YAF2: variants seen among roughly 807,000 people sequenced by gnomAD.
YAF2 encodes YY1-associated factor 2.
YAF2 carries 7 observed loss-of-function variants against 20.1 expected under a neutral mutation model. That is an observed-to-expected ratio of 0.35 (90% CI 0.20 to 0.65). The LOEUF is 0.65. Ranked by LOEUF, YAF2 falls within the 30% of genes least tolerant of loss-of-function variation. The pLI is 0.69. For synonymous variants in YAF2, 74 were observed against 76.0 expected, an observed-to-expected ratio of 0.97 and a Z score of 0.14; for missense variants, 151 against 219.2, an observed-to-expected ratio of 0.69 and a Z score of 1.96.
chr12:42,212,912 G>C (rs930246164), intron 2 of YAF2, among the ~76,000 whole-genome samples: 1 of 152,178 alleles, frequency 6.6e-6, no homozygotes, highest in Non-Finnish European at 1.5e-5. Flanking sequence ...GGTCATCTAG[G>C]TAACTCTGCT....
intron 2 of YAF2, among the ~76,000 whole-genome samples, chr12:42,186,214 C>T (rs542163917): frequency 3.1e-5 from 3 of 95,364 alleles, no homozygotes; most frequent in South Asian, 3.5e-4. Flanking sequence ...AAAAAAAAGG[C>T]TGGGCTTGGT....
chr12:42,178,111 T>G (rs2066244458), intron 2 of YAF2, among the ~76,000 whole-genome samples: 1 of 152,224 alleles, frequency 6.6e-6, no homozygotes, highest in Non-Finnish European at 1.5e-5. Context: ...TGCAAAAATA[T>G]GTACATCTAT....
intron 2 of YAF2, among the ~76,000 whole-genome samples, chr12:42,202,419 A>G (rs773741974): frequency 1.3e-5 from 2 of 152,132 alleles, no homozygotes; most frequent in African/African-American, 2.4e-5. Flanking sequence ...ATCCTTACCA[A>G]TCAGTACCAT....
intron 2 of YAF2, among the ~76,000 whole-genome samples, chr12:42,211,359 A>G (rs1428318296): frequency 6.8e-6 from 1 of 147,070 alleles, no homozygotes; most frequent in Non-Finnish European, 1.5e-5. Flanking sequence ...CCTGGGAAGC[A>G]GAGGTTGCAG....
chr12:42,213,491 T>G (rs1387058852), intron 2 of YAF2, among the ~76,000 whole-genome samples: 2 of 152,252 alleles, frequency 1.3e-5, no homozygotes, highest in Non-Finnish European at 2.9e-5. Context: ...ATAATTTCTG[T>G]GTAAAACTAT....
At chr12:42,237,954 C>T (rs1306802767) in intron 1 of YAF2, among the ~76,000 whole-genome samples, 2 of 148,404 alleles carry the variant, frequency 1.3e-5, no homozygotes, top group African/African-American at 2.5e-5. Flanking sequence ...ACCCGGGCGG[C>T]CGCTCCGGTC....
intron 2 of YAF2, among the ~76,000 whole-genome samples, chr12:42,229,306 C>G (rs1470967781): frequency 7.6e-6 from 1 of 131,780 alleles, no homozygotes; most frequent in Non-Finnish European, 1.6e-5. Context: ...CCTAGGAAAA[C>G]CAGAGACCTT....
intron 2 of YAF2, among the ~76,000 whole-genome samples, chr12:42,189,794 T>C (rs2066567796): frequency 6.6e-6 from 1 of 152,148 alleles, no homozygotes; most frequent in South Asian, 2.1e-4. Flanking sequence ...TAAGTACCAA[T>C]TGATGGTGTA....
At chr12:42,200,563 A>G (rs954444172) in intron 2 of YAF2, among the ~76,000 whole-genome samples, 1 of 152,174 alleles carries the variant, frequency 6.6e-6, no homozygotes, top group Non-Finnish European at 1.5e-5. Context: ...TATATTCCAT[A>G]TAAGTATTTT....
chr12:42,229,423 A>T (rs994550117), intron 2 of YAF2, among the ~76,000 whole-genome samples: 18 of 126,342 alleles, frequency 1.4e-4, no homozygotes, highest in African/African-American at 4.7e-4. Flanking sequence ...AAATAAATTA[A>T]AAAAAAAAAA....
intron 2 of YAF2, among the ~76,000 whole-genome samples, chr12:42,181,581 T>C (rs1324879342): frequency 1.3e-5 from 2 of 152,230 alleles, no homozygotes; most frequent in African/African-American, 4.8e-5. Flanking sequence ...ACAGGTAGCC[T>C]GGTATAATCA....
intron 2 of YAF2, among the ~76,000 whole-genome samples, chr12:42,206,059 T>C (rs1325547279): frequency 6.6e-6 from 1 of 152,122 alleles, no homozygotes; most frequent in Non-Finnish European, 1.5e-5. Context: ...TTTTCTTCCA[T>C]ATTTTTCACC....
chr12:42,160,179 A>G lies in YAF2; in HGVS notation c.*410T>C, dbSNP rs1367733706. On this transcript the variant is annotated 3_prime_UTR_variant, in exon 4 of 4. Coordinates refer to ENST00000534854, the MANE Select transcript of YAF2 (RefSeq NM_005748.6). ...TTAAGTTGTTCTTTGACTTGTATACATATAACTATCTGTTTCACAATTCTC... is the reference window on the plus strand; with the variant it reads ...TTAAGTTGTTCTTTGACTTGTATACGTATAACTATCTGTTTCACAATTCTC... 13 of 174,540 alleles carry G rather than the reference A, an allele frequency of 7.4e-5. No individual in the cohort carries two copies. In the East Asian group the frequency reaches 2.1e-3, roughly 28 times the overall value. 10.8% of individuals were successfully genotyped at this position (174,540 alleles called of 1,614,324 possible).
At chr12:42,211,427 CAAAAAAAAAAAAAAAA>C (rs34683165) in intron 2 of YAF2, among the ~76,000 whole-genome samples, 3 of 51,608 alleles carry the variant, frequency 5.8e-5, no homozygotes, top group African/African-American at 2.4e-4. Flanking sequence ...ACTCTGTCTC[CAAAAAAAAAAAAAAAA>C]AAAAAAAAGT....
At chr12:42,223,395 T>C (rs1434286354) in intron 2 of YAF2, among the ~76,000 whole-genome samples, 1 of 152,090 alleles carries the variant, frequency 6.6e-6, no homozygotes, top group Non-Finnish European at 1.5e-5. Context: ...GAAAAGGCTT[T>C]ACCCAGCAAT....
At position 42,184,226 on chromosome 12, in the gene YAF2, G is replaced by A. The variant is rs2066415824; in HGVS notation, c.153-22461C>T. On this transcript the variant is annotated intron_variant, in intron 2 of 3. Coordinates refer to ENST00000534854, the MANE Select transcript of YAF2 (RefSeq NM_005748.6). ...GAGCTCTAAGGGACATGTACAAGGAGATTAATGTTTTCATGCCTGCTAACA... is the reference window on the plus strand; with the variant it reads ...GAGCTCTAAGGGACATGTACAAGGAAATTAATGTTTTCATGCCTGCTAACA... Among the ~76,000 whole-genome samples the A allele has an allele frequency of 1.3e-5, 2 of 152,186 alleles. 1 individual carries two copies. Among genetic ancestry groups the A allele is most frequent in the South Asian group, 4.1e-4 (2 of 4,828 alleles).
chr12:42,180,830 C>T (rs2066324486), intron 2 of YAF2, among the ~76,000 whole-genome samples: 1 of 152,092 alleles, frequency 6.6e-6, no homozygotes, highest in African/African-American at 2.4e-5. Context: ...TGCCTATAAT[C>T]CCAGCTACTC....
chr12:42,238,005 G>A, intron 1 of YAF2, 150 bp downstream of exon 1: 1 of 445,884 alleles, frequency 2.2e-6, no homozygotes, highest in African/African-American at 2.2e-5. Context: ...GGCCGGCGCC[G>A]GCCCCCTCAA....
chr12:42,179,188 G>A (rs1180567154), intron 2 of YAF2, among the ~76,000 whole-genome samples: 1 of 152,204 alleles, frequency 6.6e-6, no homozygotes, highest in African/African-American at 2.4e-5. Context: ...TGTGCAGTGA[G>A]GCTGGGTGCA....
Sources: allele counts gnomAD v4.1 joint callset (sites outside exome capture counted in the v4.1 genomes callset), GRCh38; gene constraint gnomAD v4.1.1; transcripts MANE v1.5; gene names NCBI Gene and HGNC (gene_info 2026-07-23, HGNC 2026-07-21).